SCARB1: variants seen among roughly 807,000 people sequenced by gnomAD.
SCARB1 encodes the protein CD36 and LIMPII analogous 1.
SCARB1 carries 30 observed loss-of-function variants against 57.2 expected under a neutral mutation model. The ratio of observed to expected loss-of-function variants is 0.52; its 90% CI spans 0.39 to 0.71. SCARB1 has a LOEUF of 0.71. Ranked by LOEUF, SCARB1 falls within the 30% of genes least tolerant of loss-of-function variation. The pLI is 0.00. For missense variants in SCARB1, 543 were observed against 671.2 expected, an observed-to-expected ratio of 0.81 and a Z score of 2.11; for synonymous variants, 249 against 268.3, an observed-to-expected ratio of 0.93 and a Z score of 0.70.
At chr12:124,827,716 G>A (rs1394888008) in intron 1 of SCARB1, among the ~76,000 whole-genome samples, 1 of 152,030 alleles carries the variant, frequency 6.6e-6, no homozygotes, top group Non-Finnish European at 1.5e-5. Flanking sequence ...CTAAACACGT[G>A]GTCAAATCCC....
rs922232460 is a variant in SCARB1, at chr12:124,807,231, A to C, written c.1009+530T>G. Among the ~76,000 whole-genome samples the C allele has an allele frequency of 6.6e-6, 1 of 152,020 alleles. No individual in the cohort carries two copies. Among genetic ancestry groups the C allele is most frequent in the Non-Finnish European group, 1.5e-5 (1 of 68,004 alleles). ...AAATAATAATAAACAAGATGGGGAG[A>C]TTGTCCTGGGGTATCCAGGAGAGCA... On this transcript the variant is annotated intron_variant, in intron 7 of 12. Transcript: ENST00000261693. The surrounding 1 kb of genome is among the most constrained non-coding windows in gnomAD (Gnocchi z 5.3).
rs1950744186 is a variant in SCARB1 at position 124,817,019 on chromosome 12, CATGTGTGT to C, written c.284+523_284+530del. Among the ~76,000 whole-genome samples the C allele has an allele frequency of 1.7e-5, 2 of 116,308 alleles. No individual in the cohort carries two copies. Among genetic ancestry groups the C allele is most frequent in the African/African-American group, 3.6e-5 (1 of 27,900 alleles). 76.3% of individuals were successfully genotyped at this position (116,308 alleles called of 152,430 possible). A position where few individuals can be genotyped will look rare whatever the true frequency, so the allele number is the denominator to read the frequency against. On this transcript the variant is annotated intron_variant, in intron 2 of 12. Coordinates refer to ENST00000261693, the MANE Select transcript of SCARB1 (RefSeq NM_005505.5). This position sits in a 1 kb window ranked among gnomAD's most constrained non-coding sequence, Gnocchi z 4.8. Reference sequence around the variant, plus strand: ...GGGTCGGTCCCTGCTCCTGGTCATGCATGTGTGTGTGTGTGTGTGTGTGTGTGTGTATG... The same window carrying C: ...GGGTCGGTCCCTGCTCCTGGTCATGCGTGTGTGTGTGTGTGTGTGTGTATG...
intron 1 of SCARB1, chr12:124,839,223 C>T: frequency 4.4e-6 from 2 of 456,184 alleles, no homozygotes; most frequent in South Asian, 1.5e-5. Flanking sequence ...CACCCCCTCT[C>T]CCCCAGCCCC....
chr12:124,828,847 C>T lies in SCARB1; in HGVS notation c.127-11140G>A, dbSNP rs561593823. 5.1e-4 allele frequency among the ~76,000 whole-genome samples: 77 copies of T among 152,354 alleles called. 1 individual carries two copies. The highest frequency in any genetic ancestry group is 1.8e-3 in the African/African-American group (74 of 41,592). On this transcript the variant is annotated intron_variant, in intron 1 of 12. Transcript: ENST00000261693. The stretch of plus-strand genomic sequence containing the variant: ...AGAAAACAGGCTTCCAAGAAACACA[C>T]CTCTGACCAAATGAGCCAAGAAGCC...
intron 12 of SCARB1, among the ~76,000 whole-genome samples, chr12:124,781,662 C>T (rs1281117025): frequency 6.6e-6 from 1 of 152,194 alleles, no homozygotes; most frequent in Non-Finnish European, 1.5e-5. Context: ...GAACTACAGA[C>T]AGGTTTTCAG....
rs1369536951 is a variant in SCARB1 at position 124,811,943 on chromosome 12, A to G, written c.653T>C (p.Leu218Pro). 1 of 1,613,174 alleles carries G rather than the reference A, an allele frequency of 6.2e-7. No homozygotes were observed. Among genetic ancestry groups the G allele is most frequent in the Admixed American group, 1.7e-5 (1 of 59,956 alleles). The change falls in exon 5 of 13, where the codon CTC (leucine) becomes CCC (proline). Residue 218 changes from leucine to proline, a missense_variant. Coordinates refer to ENST00000261693, the MANE Select transcript of SCARB1 (RefSeq NM_005505.5). ...CTGGACCCCCGTGAACACCGTGAAG[A>G]GCCCAGAGTCGGAGTTGTTGAGCTA... ...FAELNNSDSG[L>P]FTVFTGVQNI...
rs1950574138 is a variant in SCARB1 at position 124,812,827 on chromosome 12, C to T, written c.631-862G>A. 6.6e-6 allele frequency among the ~76,000 whole-genome samples: 1 copy of T among 152,156 alleles called. No homozygotes were observed. Among genetic ancestry groups the T allele is most frequent in the Non-Finnish European group, 1.5e-5 (1 of 68,038 alleles). ...AGCCCAGCATCCCGGGTGTGTCTGT[C>T]ACGTGCCCATGTGGAGCCAAGAATA... is the stretch of plus-strand genomic sequence containing the variant. On this transcript the variant is annotated intron_variant, in intron 4 of 12. Transcript: ENST00000261693. The surrounding 1 kb of genome is among the most constrained non-coding windows in gnomAD (Gnocchi z 4.3).
intron 1 of SCARB1, among the ~76,000 whole-genome samples, chr12:124,859,949 A>ATTTTTTTTTTTTTTTTTTTTTTTTTTTT (rs63359362): frequency 8.5e-6 from 1 of 117,958 alleles, no homozygotes. Flanking sequence ...AAGTTCCTTC[A>ATTTTTTTTTTTTTTTTTTTTTTTTTTTT]TTTTTTTTTT....
Position 124,857,720 on chromosome 12 carries a change from G to A in SCARB1, c.126+5875C>T, listed in dbSNP as rs186879948. 3.2e-3 allele frequency among the ~76,000 whole-genome samples: 486 copies of A among 152,312 alleles called. 4 individuals are homozygous for A. Among genetic ancestry groups the A allele is most frequent in the African/African-American group, 0.011 (473 of 41,566 alleles). On this transcript the variant is annotated intron_variant, in intron 1 of 12. Transcript: ENST00000261693. ...CGAAGGTTTTTGCCTCTACCCCAGG[G>A]GAAACAAAAGGAGGTGCCGTTTATT... is the stretch of plus-strand genomic sequence containing the variant.
At chr12:124,793,632 G>A (rs1406790384) in intron 9 of SCARB1, among the ~76,000 whole-genome samples, 2 of 148,896 alleles carry the variant, frequency 1.3e-5, no homozygotes, top group African/African-American at 5.0e-5. Flanking sequence ...GGCGGAGCTT[G>A]CAGTGAGCCG....
chr12:124,813,640 G>A (rs1254503384), intron 4 of SCARB1, among the ~76,000 whole-genome samples: 1 of 152,138 alleles, frequency 6.6e-6, no homozygotes, highest in Non-Finnish European at 1.5e-5. Flanking sequence ...CACGACAGGA[G>A]CCCGTCACCC....
chr12:124,790,289 G>A (rs1304507860), intron 9 of SCARB1, among the ~76,000 whole-genome samples: 1 of 152,138 alleles, frequency 6.6e-6, no homozygotes, highest in African/African-American at 2.4e-5. Flanking sequence ...CAGGTGGGAG[G>A]ATCGCCTAAG....
chr12:124,787,717 TTTTTTTC>T, intron 9 of SCARB1, among the ~76,000 whole-genome samples: 1 of 152,198 alleles, frequency 6.6e-6, no homozygotes, highest in African/African-American at 2.4e-5. Context: ...GTTTTGTTTT[TTTTTTTC>T]TTTAGTTGAC....
At chr12:124,803,689 CA>C (rs58564503) in intron 7 of SCARB1, among the ~76,000 whole-genome samples, 3,476 of 47,452 alleles carry the variant, frequency 0.073, 35 homozygotes, top group Non-Finnish European at 0.093. Context: ...CCCACCTCTA[CA>C]AAAAAAAAAA....
At chr12:124,808,874 T>C (rs1950417175) in intron 6 of SCARB1, among the ~76,000 whole-genome samples, 1 of 152,130 alleles carries the variant, frequency 6.6e-6, no homozygotes, top group African/African-American at 2.4e-5. Flanking sequence ...CTTGAAATGA[T>C]CCCATTTTTG....
In SCARB1 at chr12:124,807,735, A is replaced by G. The variant is rs760243690; in HGVS notation, c.1009+26T>C. 3 of 1,612,684 alleles carry G rather than the reference A, an allele frequency of 1.9e-6. No individual in the cohort carries two copies. The highest frequency in any genetic ancestry group is 2.7e-5 in the African/African-American group (2 of 74,846). ...GGCCCCACCCTCACACCCTCCCGCC[A>G]TCCCAGCACAGGGGACGGCACGTAC... On this transcript the variant is annotated intron_variant, in intron 7 of 12. Transcript: ENST00000261693. The surrounding 1 kb of genome is among the most constrained non-coding windows in gnomAD (Gnocchi z 5.3).
chr12:124,809,914 C>T (rs936193516), intron 6 of SCARB1, among the ~76,000 whole-genome samples: 1 of 152,188 alleles, frequency 6.6e-6, no homozygotes, highest in African/African-American at 2.4e-5. Context: ...TGTGACTTGA[C>T]ATGTCCTGCC....
chr12:124,843,040 C>T (rs1334265895), intron 1 of SCARB1, among the ~76,000 whole-genome samples: 2 of 152,224 alleles, frequency 1.3e-5, no homozygotes, highest in African/African-American at 4.8e-5. Context: ...ACCCAAGTCA[C>T]CTCTGGAGCA....
intron 1 of SCARB1, among the ~76,000 whole-genome samples, chr12:124,828,747 G>A (rs960285931): frequency 1.3e-5 from 2 of 152,186 alleles, no homozygotes; most frequent in South Asian, 2.1e-4. Flanking sequence ...CTCCTTGCAC[G>A]GGAGCTTCAC....
Sources: allele counts gnomAD v4.1 joint callset (sites outside exome capture counted in the v4.1 genomes callset), GRCh38; gene constraint gnomAD v4.1.1; non-coding constraint Gnocchi (gnomAD v3.1); transcripts MANE v1.5; gene names NCBI Gene and HGNC (gene_info 2026-07-23, HGNC 2026-07-21).